The following PDE1C variants were observed in gnomAD, a reference collection of about 807,000 sequenced individuals.
PDE1C encodes dual specificity calcium/calmodulin-dependent 3',5'-cyclic nucleotide phosphodiesterase 1C.
PDE1C carries 62 observed loss-of-function variants against 93.1 expected under a neutral mutation model. The ratio of observed to expected loss-of-function variants is 0.67; its 90% CI spans 0.54 to 0.82. The LOEUF is 0.82. Ranked by LOEUF, PDE1C falls within the 40% of genes least tolerant of loss-of-function variation. The pLI is 0.00. For synonymous variants in PDE1C, 325 were observed against 310.1 expected, an observed-to-expected ratio of 1.05 and a Z score of -0.50; for missense variants, 742 against 884.6, an observed-to-expected ratio of 0.84 and a Z score of 2.04.
intron 3 of PDE1C, among the ~76,000 whole-genome samples, chr7:32,128,491 G>A (rs1265780095): frequency 6.6e-6 from 1 of 151,808 alleles, no homozygotes; most frequent in Non-Finnish European, 1.5e-5. Context: ...AATATATATT[G>A]TTAAGAAACA....
At chr7:32,258,275 C>A (rs756844707) in intron 1 of PDE1C, among the ~76,000 whole-genome samples, 1 of 152,186 alleles carries the variant, frequency 6.6e-6, no homozygotes. Context: ...AATAATAAAA[C>A]CTACTTCTCG....
At chr7:32,250,681 C>T (rs963231454) in intron 1 of PDE1C, among the ~76,000 whole-genome samples, 1 of 152,210 alleles carries the variant, frequency 6.6e-6, no homozygotes, top group Non-Finnish European at 1.5e-5. Context: ...TCAGAAGCAA[C>T]AGCGCACAGC....
intron 2 of PDE1C, among the ~76,000 whole-genome samples, chr7:31,951,293 T>C (rs1038510025): frequency 6.6e-6 from 1 of 152,216 alleles, no homozygotes; most frequent in Admixed American, 6.5e-5. Flanking sequence ...CAGGAGTTTA[T>C]CTATTATTCC....
intron 14 of PDE1C, among the ~76,000 whole-genome samples, chr7:31,816,479 T>C (rs1788290377): frequency 2.0e-5 from 3 of 152,186 alleles, no homozygotes; most frequent in Non-Finnish European, 4.4e-5. Flanking sequence ...CCAAGTATTA[T>C]GCTGAGTGTT....
chr7:31,981,379 G>C (rs1584310695), intron 2 of PDE1C, among the ~76,000 whole-genome samples: 2 of 152,228 alleles, frequency 1.3e-5, no homozygotes, highest in East Asian at 3.9e-4. Context: ...CGTAAATAAA[G>C]TTTGACGATT....
the PDE1C span, among the ~76,000 whole-genome samples, chr7:31,639,436 GTT>G: frequency 1.3e-5 from 2 of 151,312 alleles, no homozygotes; most frequent in African/African-American, 4.9e-5. Context: ...TTCAATTTGG[GTT>G]TTTTTTAAAT....
At chr7:32,348,656 C>T (rs1019932516) in intron 1 of PDE1C, among the ~76,000 whole-genome samples, 1 of 152,114 alleles carries the variant, frequency 6.6e-6, no homozygotes, top group African/African-American at 2.4e-5. Flanking sequence ...AGCCACCACG[C>T]CCAGCCACAA....
intron 17 of PDE1C, among the ~76,000 whole-genome samples, chr7:31,753,910 T>C (rs774090443): frequency 6.6e-6 from 1 of 152,232 alleles, no homozygotes; most frequent in South Asian, 2.1e-4. Context: ...ATTAACAGCA[T>C]TTAGCATTGT....
intron 1 of PDE1C, among the ~76,000 whole-genome samples, chr7:32,375,954 T>A (rs959275036): frequency 6.6e-6 from 1 of 152,130 alleles, no homozygotes; most frequent in Non-Finnish European, 1.5e-5. Flanking sequence ...GTCAGGAGTT[T>A]GAGACCAGCC....
chr7:31,796,044 C>A (rs1785241990), intron 16 of PDE1C, among the ~76,000 whole-genome samples: 1 of 151,088 alleles, frequency 6.6e-6, no homozygotes, highest in African/African-American at 2.4e-5. Context: ...TATTACAATT[C>A]TCTCCTCCAC....
chr7:31,642,093 T>C, the PDE1C span: 1 of 855,972 alleles, frequency 1.2e-6, no homozygotes, highest in Non-Finnish European at 1.8e-6. Flanking sequence ...CCATGGTGTG[T>C]CAGGCACCTA....
chr7:31,808,272 A>G (rs1424022799), intron 16 of PDE1C: 1 of 394,108 alleles, frequency 2.5e-6, no homozygotes, highest in Non-Finnish European at 4.8e-6. Flanking sequence ...TTCTCTCAAA[A>G]ACCACTCCGT....
At chr7:32,198,826 AAAG>A (rs1272524170) in intron 2 of PDE1C, among the ~76,000 whole-genome samples, 1 of 152,198 alleles carries the variant, frequency 6.6e-6, no homozygotes, top group Admixed American at 6.5e-5. Context: ...ACATAGAAAA[AAAG>A]AAACTCAGCC....
intron 1 of PDE1C, among the ~76,000 whole-genome samples, chr7:32,335,813 C>A (rs575825174): frequency 1.3e-5 from 2 of 152,218 alleles, no homozygotes; most frequent in South Asian, 4.2e-4. Context: ...ACTGCAGCCT[C>A]AACCTCCTAG....
chr7:31,686,449 A>T, the PDE1C span, among the ~76,000 whole-genome samples: 1 of 151,926 alleles, frequency 6.6e-6, no homozygotes, highest in African/African-American at 2.4e-5. Flanking sequence ...GAAGGAGGAA[A>T]TTTTTTCTGG....
At chr7:31,631,771 T>A in the PDE1C span, among the ~76,000 whole-genome samples, 2 of 152,226 alleles carry the variant, frequency 1.3e-5, no homozygotes, top group African/African-American at 4.8e-5. Flanking sequence ...ATTCAAATGT[T>A]ACGTAGAAAT....
At chr7:31,878,064 CATG>C in intron 4 of PDE1C, 28 bp from the exon 5 acceptor site, 1 of 1,513,364 alleles carries the variant, frequency 6.6e-7, no homozygotes, top group African/African-American at 1.4e-5. Flanking sequence ...AAAAATGCAA[CATG>C]ATATCTTATA....
At chr7:32,220,431 G>A (rs1806762994) in intron 1 of PDE1C, among the ~76,000 whole-genome samples, 1 of 152,114 alleles carries the variant, frequency 6.6e-6, no homozygotes, top group Admixed American at 6.5e-5. Flanking sequence ...AATCAACACT[G>A]AGAAGTGGGA....
Position 31,752,536 on chromosome 7 carries a change from C to G in PDE1C, c.*848G>C, listed in dbSNP as rs1409446811. On this transcript the variant is annotated 3_prime_UTR_variant, in exon 18 of 18. Transcript: ENST00000396191. ...AACTAGGCTCAGAATTTTACACCCTCTTGGCCTAGGACCACAAAATCAAAC... is the reference window on the plus strand; with the variant it reads ...AACTAGGCTCAGAATTTTACACCCTGTTGGCCTAGGACCACAAAATCAAAC... 1 of 152,124 alleles carries G rather than the reference C, an allele frequency of 6.6e-6. No individual in the cohort carries two copies. Among genetic ancestry groups the G allele is most frequent in the Non-Finnish European group, 1.5e-5 (1 of 68,008 alleles). The allele number at this position is 152,124 out of a possible 1,614,324, so 9.4% of individuals were successfully genotyped here.
Sources: allele counts gnomAD v4.1 joint callset (sites outside exome capture counted in the v4.1 genomes callset), GRCh38; gene constraint gnomAD v4.1.1; transcripts MANE v1.5; gene names NCBI Gene and HGNC (gene_info 2026-07-23, HGNC 2026-07-21).